The following TBC1D5 variants were observed in gnomAD, a reference collection of about 807,000 sequenced individuals.
TBC1D5 encodes TBC1 domain family, member 5.
TBC1D5 carries 75 observed loss-of-function variants against 100.3 expected under a neutral mutation model. That is an observed-to-expected ratio of 0.75 (90% CI 0.62 to 0.91). The LOEUF is 0.91. Among genes scored for constraint, TBC1D5 ranks in the 40% least tolerant of loss-of-function variants. The probability of loss-of-function intolerance (pLI) is 0.00; values close to 1 mark genes in which losing one functional copy is unlikely to be tolerated. For missense variants in TBC1D5, 910 were observed against 942.4 expected, an observed-to-expected ratio of 0.97 and a Z score of 0.45; for synonymous variants, 323 against 325.6, an observed-to-expected ratio of 0.99 and a Z score of 0.09.
In TBC1D5 at chr3:17,346,890, T is replaced by C. The variant is rs183415266; in HGVS notation, c.995+25185A>G. ...TTTATAATATTAACACACATAAGCA[T>C]GGAGACCAGATTCAATAGGTGTTCA... On this transcript the variant is annotated intron_variant, in intron 13 of 21. Transcript: ENST00000253692. Among the ~76,000 whole-genome samples, 1,267 of 152,302 alleles carry C rather than the reference T, an allele frequency of 8.3e-3. 9 individuals carry two copies. Among genetic ancestry groups the C allele is most frequent in the Middle Eastern group, 0.031 (9 of 294 alleles).
chr3:17,464,645 T>C (rs556382723), intron 3 of TBC1D5, among the ~76,000 whole-genome samples: 1 of 152,164 alleles, frequency 6.6e-6, no homozygotes, highest in Non-Finnish European at 1.5e-5. Context: ...ATACTGAACA[T>C]TGTTTCCATT....
chr3:17,733,814 G>A (rs1274496071), intron 1 of TBC1D5, among the ~76,000 whole-genome samples: 1 of 149,422 alleles, frequency 6.7e-6, no homozygotes, highest in East Asian at 2.1e-4. Flanking sequence ...TATGTACCTG[G>A]AAAATCTAAG....
chr3:17,729,363 A>AC (rs1225548115), intron 1 of TBC1D5, among the ~76,000 whole-genome samples: 1 of 151,924 alleles, frequency 6.6e-6, no homozygotes, highest in Non-Finnish European at 1.5e-5. Context: ...GAAAAAAAAA[A>AC]AAAACAGAAC....
intron 3 of TBC1D5, among the ~76,000 whole-genome samples, chr3:17,454,698 G>A (rs2095015447): frequency 6.6e-6 from 1 of 152,080 alleles, no homozygotes; most frequent in African/African-American, 2.4e-5. Flanking sequence ...CTGACCTCGT[G>A]ATCCGCCTGC....
chr3:17,319,974 T>C (rs1368895719), intron 13 of TBC1D5, among the ~76,000 whole-genome samples: 2 of 152,206 alleles, frequency 1.3e-5, no homozygotes, highest in African/African-American at 4.8e-5. Flanking sequence ...TACAAATAAA[T>C]AACTTGCTCT....
At chr3:17,643,601 T>C (rs376274824) in intron 1 of TBC1D5, among the ~76,000 whole-genome samples, 4 of 152,248 alleles carry the variant, frequency 2.6e-5, no homozygotes, top group African/African-American at 9.6e-5. Context: ...GTTTTTAAAC[T>C]GTATCAAATG....
rs373670416 is a variant in TBC1D5 at position 17,238,321 on chromosome 3, C to A, written c.1430G>T (p.Ser477Ile). Residue 477 changes from serine to isoleucine, a missense_variant, in exon 17 of 22, where the codon AGT becomes ATT. By Grantham distance (142) the Ser-to-Ile change is moderately radical (BLOSUM62 -2). Transcript: ENST00000253692. ...GCCTCCAGGTACAGGGCCACCTGCA[C>A]TGCCTGGAGCCATTGCTGGGGAAAT... 2 of 1,614,004 alleles carry A rather than the reference C, an allele frequency of 1.2e-6. No homozygotes were observed. Among genetic ancestry groups the A allele is most frequent in the Non-Finnish European group, 8.5e-7 (1 of 1,179,960 alleles).
intron 13 of TBC1D5, among the ~76,000 whole-genome samples, chr3:17,350,798 A>T (rs2090478086): frequency 6.6e-6 from 1 of 152,138 alleles, no homozygotes; most frequent in Admixed American, 6.6e-5. Context: ...ACCATTTATT[A>T]ATTTTAATTT....
At chr3:17,388,373 T>C (rs569395671) in intron 8 of TBC1D5, among the ~76,000 whole-genome samples, 1 of 152,198 alleles carries the variant, frequency 6.6e-6, no homozygotes, top group Non-Finnish European at 1.5e-5. Context: ...TTCAAACATT[T>C]AATAAAGACA....
intron 18 of TBC1D5, among the ~76,000 whole-genome samples, chr3:17,212,851 TA>T (rs1559419268): frequency 6.6e-6 from 1 of 152,144 alleles, no homozygotes; most frequent in African/African-American, 2.4e-5. Flanking sequence ...AATCAAAAAT[TA>T]AAAAAATAAA....
chr3:17,184,964 A>G (rs768188180), intron 19 of TBC1D5, 145 bp downstream of exon 20: 9 of 540,898 alleles, frequency 1.7e-5, no homozygotes, highest in Admixed American at 3.3e-5. Flanking sequence ...AGTGAGAGTA[A>G]GAGTACTTCT....
intron 16 of TBC1D5, 53 bp from the exon 17 acceptor site, chr3:17,238,472 TTC>T: frequency 1.3e-6 from 2 of 1,552,808 alleles, no homozygotes; most frequent in Non-Finnish European, 1.7e-6. Context: ...ATGATTCTAT[TTC>T]ACATAATTAA....
intron 16 of TBC1D5, among the ~76,000 whole-genome samples, chr3:17,257,077 C>G (rs1253745363): frequency 6.6e-6 from 1 of 151,914 alleles, no homozygotes; most frequent in Non-Finnish European, 1.5e-5. Flanking sequence ...GACTGGATAG[C>G]CAGTGGCAAT....
intron 1 of TBC1D5, among the ~76,000 whole-genome samples, chr3:17,648,315 C>T (rs945795157): frequency 6.6e-6 from 1 of 152,092 alleles, no homozygotes; most frequent in South Asian, 2.1e-4. Context: ...ACTCCATACA[C>T]AAAAATCAAC....
Position 17,441,116 on chromosome 3 carries a change from C to G in TBC1D5, c.98-12597G>C, listed in dbSNP as rs372943854. ...ATTGATGATACCATTAACAGACCATCTTAAGTGTGGAAATTTACCATTCTG... is the reference window on the plus strand; with the variant it reads ...ATTGATGATACCATTAACAGACCATGTTAAGTGTGGAAATTTACCATTCTG... On this transcript the variant is annotated intron_variant, in intron 3 of 21. Transcript: ENST00000253692. 7.2e-5 allele frequency among the ~76,000 whole-genome samples: 11 copies of G among 152,278 alleles called. 1 individual carries two copies. In the South Asian group the frequency reaches 2.1e-3, roughly 29 times the overall value.
intron 2 of TBC1D5, chr3:17,623,593 A>G (rs2062845187): frequency 1.3e-5 from 2 of 152,352 alleles, no homozygotes; most frequent in Admixed American, 1.3e-4. Flanking sequence ...CCAAATGCCC[A>G]TACCAACACA....
chr3:17,697,262 A>C (rs1029502850), intron 1 of TBC1D5, among the ~76,000 whole-genome samples: 2 of 152,236 alleles, frequency 1.3e-5, no homozygotes, highest in Non-Finnish European at 2.9e-5. Context: ...CAGGGCAATC[A>C]GGCAAGACAA....
chr3:17,307,655 G>A (rs1028565740), intron 14 of TBC1D5, among the ~76,000 whole-genome samples: 1 of 151,990 alleles, frequency 6.6e-6, no homozygotes, highest in Non-Finnish European at 1.5e-5. Context: ...TCAGAAGGTG[G>A]AGCTCTAAAC....
intron 3 of TBC1D5, among the ~76,000 whole-genome samples, chr3:17,466,803 T>C (rs558688070): frequency 1.3e-5 from 2 of 152,250 alleles, no homozygotes; most frequent in Admixed American, 1.3e-4. Flanking sequence ...GATTGTTTTA[T>C]TTTTATCAAA....
Sources: allele counts gnomAD v4.1 joint callset (sites outside exome capture counted in the v4.1 genomes callset), GRCh38; gene constraint gnomAD v4.1.1; transcripts MANE v1.5; gene names NCBI Gene and HGNC (gene_info 2026-07-23, HGNC 2026-07-21).